Variants in KLHL29 observed in about 807,000 individuals in gnomAD.
KLHL29 encodes the protein kelch-like protein 29.
A neutral mutation model predicts 80.4 loss-of-function variants in KLHL29; 21 were observed. The ratio of observed to expected loss-of-function variants is 0.26; its 90% CI spans 0.19 to 0.38. KLHL29 has a LOEUF of 0.38. Ranked by LOEUF, KLHL29 falls within the 10% of genes least tolerant of loss-of-function variation. The pLI is 1.00. For missense variants in KLHL29, 867 were observed against 1,223.9 expected (o/e 0.71, Z 4.35); for synonymous variants, 511 against 526.8 (o/e 0.97, Z 0.41).
chr2:23,532,573 G>A, intron 2 of KLHL29: 1 of 456,744 alleles, frequency 2.2e-6, no homozygotes, highest in African/African-American at 2.0e-5. Flanking sequence ...ACTTTCCTTT[G>A]AAGCTAAAAC....
chr2:23,536,157 A>G (rs1666652705), intron 2 of KLHL29, among the ~76,000 whole-genome samples: 1 of 152,150 alleles, frequency 6.6e-6, no homozygotes, highest in South Asian at 2.1e-4. Context: ...TGTCAAGACA[A>G]AGGTGGGTGA....
Position 23,684,513 on chromosome 2 carries a change from T to G in KLHL29, c.1055T>G (p.Leu352Trp). 1 of 1,549,712 alleles carries G rather than the reference T, an allele frequency of 6.5e-7. No individual in the cohort carries two copies. The highest frequency in any genetic ancestry group is 8.7e-7 in the Non-Finnish European group (1 of 1,146,520). Reference protein sequence around the residue: ...VHQNVLASCSLYFKDLIQRSV... With the variant: ...VHQNVLASCSWYFKDLIQRSV... ...CAAAATGTTCTAGCTTCCTGCAGCTTGTATTTCAAGGACCTGATTCAAAGG... is the reference window on the plus strand; with the variant it reads ...CAAAATGTTCTAGCTTCCTGCAGCTGGTATTTCAAGGACCTGATTCAAAGG... Residue 352 changes from leucine to tryptophan, a missense_variant, in exon 6 of 14, where the codon TTG becomes TGG. By Grantham distance (61) the Leu-to-Trp change is moderately conservative. Around this residue, in one of 2 missense-constraint regions of KLHL29, gnomAD observed 443 missense variants for 767.0 expected, o/e 0.58. Transcript: ENST00000486442. The surrounding 1 kb of genome is among the most constrained non-coding windows in gnomAD (Gnocchi z 4.4).
chr2:23,706,359 G>A (rs929863372), intron 13 of KLHL29, 122 bp from the exon 14 acceptor site: 2 of 693,854 alleles, frequency 2.9e-6, no homozygotes, highest in African/African-American at 3.8e-5. Flanking sequence ...AGGGCAGCAA[G>A]ATCCCAGATG....
intron 1 of KLHL29, among the ~76,000 whole-genome samples, chr2:23,447,601 G>C (rs1663736386): frequency 6.6e-6 from 1 of 152,200 alleles, no homozygotes; most frequent in African/African-American, 2.4e-5. Flanking sequence ...CTGAGGCCCA[G>C]TTGTCCCTTC....
intron 3 of KLHL29, among the ~76,000 whole-genome samples, chr2:23,609,526 C>G (rs373363745): frequency 5.3e-5 from 8 of 152,044 alleles, no homozygotes; most frequent in African/African-American, 1.9e-4. Flanking sequence ...AGAATGCGCC[C>G]CCCTCGGCTG....
chr2:23,636,392 C>G (rs1669609762), intron 3 of KLHL29, among the ~76,000 whole-genome samples: 2 of 150,416 alleles, frequency 1.3e-5, no homozygotes, highest in African/African-American at 2.5e-5. Flanking sequence ...ATGTATCTAC[C>G]CTAAAGGAAA....
At chr2:23,498,446 T>C (rs1444542767) in intron 2 of KLHL29, among the ~76,000 whole-genome samples, 1 of 152,202 alleles carries the variant, frequency 6.6e-6, no homozygotes, top group Non-Finnish European at 1.5e-5. Context: ...AGGAGACTAC[T>C]ACCTGGGGGC....
intron 3 of KLHL29, among the ~76,000 whole-genome samples, chr2:23,637,820 C>T (rs1235052256): frequency 1.3e-5 from 2 of 152,014 alleles, no homozygotes; most frequent in Admixed American, 6.5e-5. Context: ...CAGAAGTCAC[C>T]GTGAGGACCA....
intron 2 of KLHL29, among the ~76,000 whole-genome samples, chr2:23,507,447 G>A (rs781534015): frequency 1.2e-4 from 19 of 152,288 alleles, no homozygotes; most frequent in Admixed American, 2.6e-4. Context: ...GTGTCCTTCC[G>A]TCCTTCCCTC....
chr2:23,539,683 C>T (rs1558379656), intron 2 of KLHL29, among the ~76,000 whole-genome samples: 1 of 151,876 alleles, frequency 6.6e-6, no homozygotes, highest in Non-Finnish European at 1.5e-5. Context: ...CTCAAGTGAC[C>T]CCTCTTCCTC....
intron 5 of KLHL29, among the ~76,000 whole-genome samples, chr2:23,651,807 C>T (rs992243215): frequency 1.1e-4 from 17 of 152,216 alleles, no homozygotes; most frequent in Non-Finnish European, 2.2e-4. Flanking sequence ...TTGCAAACAG[C>T]CGCCTTCTCA....
At chr2:23,455,005 G>C (rs982766135) in intron 1 of KLHL29, among the ~76,000 whole-genome samples, 12 of 138,082 alleles carry the variant, frequency 8.7e-5, no homozygotes, top group East Asian at 2.2e-4. Flanking sequence ...GTGGGTTGGG[G>C]GGGGGGCATT....
At chr2:23,701,793 C>CTTTTTTTTTTTT (rs70941586) in intron 11 of KLHL29, among the ~76,000 whole-genome samples, 4 of 22,542 alleles carry the variant, frequency 1.8e-4, no homozygotes, top group Non-Finnish European at 3.0e-4. Flanking sequence ...CTTTTTTTTG[C>CTTTTTTTTTTTT]TTTTTTTTTT....
intron 2 of KLHL29, among the ~76,000 whole-genome samples, chr2:23,519,155 C>T (rs1157192888): frequency 6.6e-6 from 1 of 152,158 alleles, no homozygotes; most frequent in African/African-American, 2.4e-5. Context: ...ATGTCAGAAG[C>T]TGCAGCCACC....
chr2:23,528,895 C>A (rs1433819082), intron 2 of KLHL29, among the ~76,000 whole-genome samples: 1 of 152,200 alleles, frequency 6.6e-6, no homozygotes, highest in African/African-American at 2.4e-5. Flanking sequence ...TGTGGAAGGC[C>A]AAGATAGAAC....
In KLHL29 at chr2:23,707,609, A is replaced by G. The variant is rs1312687297; in HGVS notation, c.*945A>G. ...CCATAAAAGCTGTGCCCAAGGAAGA[A>G]GAGTCTGCTCTAGAAGGAGCCCGGT... On this transcript the variant is annotated 3_prime_UTR_variant, in exon 14 of 14. Transcript: ENST00000486442. 1.3e-5 allele frequency: 2 copies of G among 152,276 alleles called. No individual in the cohort carries two copies. Among genetic ancestry groups the G allele is most frequent in the African/African-American group, 4.8e-5 (2 of 41,446 alleles). 9.4% of individuals were successfully genotyped at this position (152,276 alleles called of 1,614,324 possible). A position where few individuals can be genotyped will look rare whatever the true frequency, so the allele number is the denominator to read the frequency against.
intron 3 of KLHL29, among the ~76,000 whole-genome samples, chr2:23,633,234 A>T (rs1669515376): frequency 2.0e-5 from 3 of 152,116 alleles, no homozygotes. Context: ...TCAAGTTTTC[A>T]TCCAAGGCCA....
At position 23,642,382 on chromosome 2, in the gene KLHL29, A is replaced by G; in HGVS notation, c.472A>G (p.Thr158Ala). The G allele has an allele frequency of 4.8e-6, 7 of 1,444,986 alleles. No homozygotes were observed. The highest frequency in any genetic ancestry group is 6.4e-6 in the Non-Finnish European group (7 of 1,093,584). The allele number at this position is 1,444,986 out of a possible 1,614,324, so 89.5% of individuals were successfully genotyped here. A position where few individuals can be genotyped will look rare whatever the true frequency, so the allele number is the denominator to read the frequency against. The change falls in exon 5 of 14, where the codon ACC becomes GCC. Residue 158 changes from threonine (T) to alanine (A), a missense_variant. Physicochemically the swap from Thr to Ala is moderately conservative, Grantham distance 58 (BLOSUM62 0). Transcript: ENST00000486442. ...CACGGTGGCCGCCGGGAACCAGCCC[A>G]CCCTGATTGCACACTCCTATGGAGT... is the stretch of plus-strand genomic sequence containing the variant. ...VTTVAAGNQP[T>A]LIAHSYGVAQ...
intron 2 of KLHL29, among the ~76,000 whole-genome samples, chr2:23,539,017 C>G (rs530439607): frequency 1.3e-5 from 2 of 152,154 alleles, no homozygotes; most frequent in Non-Finnish European, 2.9e-5. Context: ...CCTGATCTGG[C>G]AAGGATGAAG....
Sources: allele counts gnomAD v4.1 joint callset (sites outside exome capture counted in the v4.1 genomes callset), GRCh38; gene constraint gnomAD v4.1.1; regional missense constraint gnomAD v4.1.1; non-coding constraint Gnocchi (gnomAD v3.1); transcripts MANE v1.5; gene names NCBI Gene and HGNC (gene_info 2026-07-23, HGNC 2026-07-21).